Variants in PDE7A observed in about 807,000 individuals in gnomAD.
PDE7A encodes the protein high affinity 3',5'-cyclic-AMP phosphodiesterase 7A.
Under a neutral mutation model 64.3 loss-of-function variants are expected in PDE7A, and 39 were observed. The observed-to-expected ratio is 0.61, with a 90% CI of 0.47 to 0.79. The LOEUF is 0.79. PDE7A is among the 30% of genes least tolerant of loss of function. The probability of loss-of-function intolerance (pLI) is 0.00; values close to 1 mark genes in which losing one functional copy is unlikely to be tolerated. For synonymous variants in PDE7A, 203 were observed against 206.8 expected (o/e 0.98, Z 0.16); for missense variants, 470 against 582.8 (o/e 0.81, Z 1.99).
chr8:65,824,519 G>GA (rs1253773690), intron 1 of PDE7A, among the ~76,000 whole-genome samples: 3 of 152,150 alleles, frequency 2.0e-5, no homozygotes, highest in Non-Finnish European at 2.9e-5. Context: ...ACATGCCACA[G>GA]AAAAATCTTT....
At chr8:65,764,385 A>G (rs1259143018) in intron 3 of PDE7A, among the ~76,000 whole-genome samples, 2 of 152,260 alleles carry the variant, frequency 1.3e-5, no homozygotes, top group African/African-American at 4.8e-5. Context: ...TCGAGTCTGA[A>G]TGAGAGACTA....
At chr8:65,835,865 C>G (rs1359010020) in intron 1 of PDE7A, among the ~76,000 whole-genome samples, 3 of 152,182 alleles carry the variant, frequency 2.0e-5, no homozygotes, top group Non-Finnish European at 4.4e-5. Flanking sequence ...GTGTTCCTGA[C>G]AACCTATAAA....
In PDE7A at chr8:65,836,592, T is replaced by G. The variant is rs374598038; in HGVS notation, c.138+4779A>C. On this transcript the variant is annotated intron_variant, in intron 1 of 12. Coordinates refer to ENST00000401827, the MANE Select transcript of PDE7A (RefSeq NM_001242318.3). The stretch of plus-strand genomic sequence containing the variant: ...CATGAAGGTATTTATTAAATGAAGT[T>G]TTGCATACATCAACGAAAACCTAAA... Among the ~76,000 whole-genome samples the G allele has an allele frequency of 2.6e-4, 40 of 152,270 alleles. 4 individuals carry two copies. Among genetic ancestry groups the G allele is most frequent in the Admixed American group, 1.1e-3 (17 of 15,296 alleles).
At chr8:65,730,337 C>G (rs1806827061) in intron 7 of PDE7A, among the ~76,000 whole-genome samples, 1 of 151,318 alleles carries the variant, frequency 6.6e-6, no homozygotes, top group South Asian at 2.1e-4. Flanking sequence ...TGCGCCACCA[C>G]AACCAGCTAA....
At chr8:65,767,067 G>GT (rs971310560) in intron 3 of PDE7A, among the ~76,000 whole-genome samples, 1 of 152,048 alleles carries the variant, frequency 6.6e-6, no homozygotes, top group Non-Finnish European at 1.5e-5. Context: ...ACTGAATCTT[G>GT]TTTTTTAAAA....
At chr8:65,739,622 A>G in intron 5 of PDE7A, 25 bp from the exon 6 acceptor site, 1 of 1,481,034 alleles carries the variant, frequency 6.8e-7, no homozygotes. Context: ...GAGACATTAC[A>G]TTAGTAGGAA....
At chr8:65,766,653 C>T (rs1291512787) in intron 3 of PDE7A, among the ~76,000 whole-genome samples, 2 of 152,228 alleles carry the variant, frequency 1.3e-5, no homozygotes, top group Non-Finnish European at 2.9e-5. Context: ...CTCTCTATTT[C>T]TCCCTCTCTC....
chr8:65,736,946 G>GT (rs1407303460), intron 6 of PDE7A, among the ~76,000 whole-genome samples: 5 of 149,008 alleles, frequency 3.4e-5, no homozygotes, highest in African/African-American at 1.2e-4. Flanking sequence ...GCAGTAGCGT[G>GT]ATCTTGGCTC....
intron 1 of PDE7A, among the ~76,000 whole-genome samples, chr8:65,840,436 C>T (rs1471565973): frequency 1.4e-5 from 2 of 145,458 alleles, no homozygotes; most frequent in Non-Finnish European, 3.0e-5. Context: ...ACACACCTTG[C>T]TCAAGATACA....
In PDE7A at chr8:65,718,750, A is replaced by C. The variant is rs985068060; in HGVS notation, c.*540T>G. ...CTGCAGTCTAAAGTTTGATCTTTAAATTTGTTTGAGTGGTTCCTTCACAAT... is the reference window on the plus strand; with the variant it reads ...CTGCAGTCTAAAGTTTGATCTTTAACTTTGTTTGAGTGGTTCCTTCACAAT... On this transcript the variant is annotated 3_prime_UTR_variant, in exon 13 of 13. Coordinates refer to ENST00000401827, the MANE Select transcript of PDE7A (RefSeq NM_001242318.3). 1 of 153,852 alleles carries C rather than the reference A, an allele frequency of 6.5e-6. No individual in the cohort carries two copies. The highest frequency in any genetic ancestry group is 2.4e-5 in the African/African-American group (1 of 41,462). The allele number at this position is 153,852 out of a possible 1,614,324, so 9.5% of individuals were successfully genotyped here. A position where few individuals can be genotyped will look rare whatever the true frequency, so the allele number is the denominator to read the frequency against.
At chr8:65,769,526 G>A (rs1309183096) in intron 3 of PDE7A, among the ~76,000 whole-genome samples, 1 of 152,150 alleles carries the variant, frequency 6.6e-6, no homozygotes, top group Non-Finnish European at 1.5e-5. Context: ...GTTTCAAAAT[G>A]TCTTCCCAAA....
rs1206328854 is a variant in PDE7A at position 65,788,742 on chromosome 8, G to C, written c.139-5899C>G. The C allele has an allele frequency of 2.2e-5, 12 of 539,288 alleles. No homozygotes were observed. The Admixed American group carries it at 3.5e-4, about 16-fold the overall frequency. 33.4% of individuals were successfully genotyped at this position (539,288 alleles called of 1,614,324 possible). A position where few individuals can be genotyped will look rare whatever the true frequency, so the allele number is the denominator to read the frequency against. ...ACAAATAGTAAATTTAAGCCCTTTG[G>C]TCGACAGATGAAACTCACAGCTCTT... is the stretch of plus-strand genomic sequence containing the variant. On this transcript the variant is annotated intron_variant, in intron 1 of 12. Transcript: ENST00000401827.
intron 4 of PDE7A, among the ~76,000 whole-genome samples, chr8:65,746,193 G>A (rs997426392): frequency 1.3e-5 from 2 of 150,682 alleles, no homozygotes; most frequent in African/African-American, 4.9e-5. Flanking sequence ...CTTGGCCTCC[G>A]AACGTGCTAG....
intron 3 of PDE7A, among the ~76,000 whole-genome samples, chr8:65,777,691 T>C (rs1267218771): frequency 2.0e-5 from 3 of 152,206 alleles, no homozygotes; most frequent in Non-Finnish European, 4.4e-5. Flanking sequence ...TATTTTTTTC[T>C]AGCACATCAG....
At chr8:65,746,337 T>C (rs934361997) in intron 4 of PDE7A, among the ~76,000 whole-genome samples, 4 of 152,174 alleles carry the variant, frequency 2.6e-5, no homozygotes, top group African/African-American at 7.2e-5. Context: ...AATTAGGTAG[T>C]CTGTTTCTAG....
chr8:65,809,162 AAC>A (rs1243334610), intron 1 of PDE7A, among the ~76,000 whole-genome samples: 1 of 152,326 alleles, frequency 6.6e-6, no homozygotes, highest in East Asian at 1.9e-4. Context: ...TGGAGCTAAT[AAC>A]ACCCATTCCT....
intron 3 of PDE7A, among the ~76,000 whole-genome samples, chr8:65,761,216 C>A (rs1808480057): frequency 6.6e-6 from 1 of 152,166 alleles, no homozygotes; most frequent in Non-Finnish European, 1.5e-5. Context: ...CAGGCACGCA[C>A]CACCATGCCC....
In PDE7A at chr8:65,719,315, A is replaced by G; in HGVS notation, c.1424T>C (p.Leu475Ser). Residue 475 changes from leucine to serine, a missense_variant, in exon 13 of 13, where the codon TTA (leucine) becomes TCA (serine). Coordinates refer to ENST00000401827, the MANE Select transcript of PDE7A (RefSeq NM_001242318.3). The stretch of plus-strand genomic sequence containing the variant: ...TTATGATAACCGATTTTCCTGAGGT[A>G]ATAACTGTGAGTTCAACTCAAATGC... The part of the protein sequence containing the change: ...DAAFELNSQL[L>S]PQENRLS The G allele has an allele frequency of 6.2e-7, 1 of 1,613,864 alleles. No individual in the cohort carries two copies. Among genetic ancestry groups the G allele is most frequent in the Non-Finnish European group, 8.5e-7 (1 of 1,179,724 alleles).
rs1301849059 is a variant in PDE7A at position 65,716,948 on chromosome 8, G to A, written c.*2342C>T. ...CACTAGCCACATGTGGATATTGGGTGCCTGAGATATGACTAGTCCAAATTG... is the reference window on the plus strand; with the variant it reads ...CACTAGCCACATGTGGATATTGGGTACCTGAGATATGACTAGTCCAAATTG... On this transcript the variant is annotated 3_prime_UTR_variant, in exon 13 of 13. Coordinates refer to ENST00000401827, the MANE Select transcript of PDE7A (RefSeq NM_001242318.3). Among the ~76,000 whole-genome samples the A allele has an allele frequency of 6.6e-6, 1 of 152,188 alleles. No individual in the cohort carries two copies. Among genetic ancestry groups the A allele is most frequent in the Non-Finnish European group, 1.5e-5 (1 of 68,040 alleles).
Sources: gnomAD v4.1 joint callset for allele counts (sites outside exome capture counted in the v4.1 genomes callset) on GRCh38, gnomAD v4.1.1 for gene constraint, MANE v1.5 for transcripts, NCBI Gene and HGNC (gene_info 2026-07-23, HGNC 2026-07-21) for gene names.